The following NSUN7 variants were observed in gnomAD, a reference collection of about 807,000 sequenced individuals.
NSUN7 encodes NOP2/Sun RNA methyltransferase family member 7, also known as protein NSUN7.
Under a neutral mutation model 58.5 loss-of-function variants are expected in NSUN7, and 39 were observed. The observed-to-expected ratio is 0.67, with a 90% CI of 0.52 to 0.87. NSUN7 has a LOEUF of 0.87. Among genes scored for constraint, NSUN7 ranks in the 40% least tolerant of loss-of-function variants. The probability of loss-of-function intolerance (pLI) is 0.00; values close to 1 mark genes in which losing one functional copy is unlikely to be tolerated. For synonymous variants in NSUN7, 278 were observed against 303.7 expected, an observed-to-expected ratio of 0.92 and a Z score of 0.88; for missense variants, 765 against 844.1, an observed-to-expected ratio of 0.91 and a Z score of 1.16.
intron 11 of NSUN7, among the ~76,000 whole-genome samples, chr4:40,807,435 G>A (rs573969714): frequency 2.7e-5 from 4 of 147,952 alleles, no homozygotes; most frequent in African/African-American, 7.5e-5. Context: ...TGCAACCTCC[G>A]CCTCCCAGGT....
chr4:40,759,746 A>G (rs1230229259), intron 2 of NSUN7, among the ~76,000 whole-genome samples: 1 of 152,208 alleles, frequency 6.6e-6, no homozygotes, highest in Non-Finnish European at 1.5e-5. Context: ...AAAATTCTAA[A>G]TAAAACATTA....
At chr4:40,801,105 C>T (rs148018903) in intron 10 of NSUN7, among the ~76,000 whole-genome samples, 1 of 152,074 alleles carries the variant, frequency 6.6e-6, no homozygotes, top group African/African-American at 2.4e-5. Flanking sequence ...GAGTTTGATA[C>T]CCTCTTTAAG....
chr4:40,808,182 T>G, intron 11 of NSUN7, 125 bp from the exon 12 acceptor site: 1 of 1,122,650 alleles, frequency 8.9e-7, no homozygotes, highest in Non-Finnish European at 1.2e-6. Flanking sequence ...GCCTAAAAAC[T>G]ATTTCTTATT....
intron 2 of NSUN7, among the ~76,000 whole-genome samples, chr4:40,757,105 T>C (rs1741178070): frequency 6.6e-6 from 1 of 152,152 alleles, no homozygotes; most frequent in South Asian, 2.1e-4. Flanking sequence ...GGTGGGTGCC[T>C]GTAGTTCCAG....
At chr4:40,795,362 G>T (rs1170501584) in intron 9 of NSUN7, among the ~76,000 whole-genome samples, 1 of 152,090 alleles carries the variant, frequency 6.6e-6, no homozygotes, top group Non-Finnish European at 1.5e-5. Context: ...TTTTCTTTTA[G>T]TTCATATTGC....
In NSUN7 at chr4:40,774,779, T is replaced by G. The variant is rs2154287648; in HGVS notation, c.654T>G (p.Val218=). 6.6e-7 allele frequency: 1 copy of G among 1,523,830 alleles called. No homozygotes were observed. Among genetic ancestry groups the G allele is most frequent in the Admixed American group, 2.0e-5 (1 of 50,558 alleles). 94.4% of individuals were successfully genotyped at this position (1,523,830 alleles called of 1,614,324 possible). The change falls in exon 6 of 12, where the codon GTT becomes GTG. Residue 218 remains valine, a synonymous_variant. Coordinates refer to ENST00000381782, the MANE Select transcript of NSUN7 (RefSeq NM_024677.6). ...INTCKISPEE[V]YNNLKRRGYN... ...TGTATATTTACAGCCCTGAAGAAGT[T>G]TATAATAATTTGAAGAGAAGAGGCT...
At chr4:40,796,542 A>T (rs2154288947) in intron 9 of NSUN7, among the ~76,000 whole-genome samples, 1 of 151,774 alleles carries the variant, frequency 6.6e-6, no homozygotes, top group African/African-American at 2.4e-5. Context: ...AAGTGGGAGG[A>T]TTGCTTGAGC....
chr4:40,778,510 A>G (rs1051520906), intron 7 of NSUN7, among the ~76,000 whole-genome samples: 1 of 152,232 alleles, frequency 6.6e-6, no homozygotes, highest in Non-Finnish European at 1.5e-5. Flanking sequence ...AGGGGACCCC[A>G]GGGACCTAGG....
chr4:40,799,081 T>C (rs397833456), intron 10 of NSUN7, among the ~76,000 whole-genome samples, 177 bp downstream of exon 10: 2 of 136,484 alleles, frequency 1.5e-5, no homozygotes, highest in South Asian at 4.8e-4. Flanking sequence ...TTCTTTTTTT[T>C]TTTTTTTTTT....
chr4:40,763,157 C>G (rs972316450), intron 4 of NSUN7, among the ~76,000 whole-genome samples: 13 of 152,174 alleles, frequency 8.5e-5, no homozygotes, highest in Non-Finnish European at 1.9e-4. Flanking sequence ...AGCATTCCTT[C>G]CACTTAGCAT....
chr4:40,760,547 A>G, intron 3 of NSUN7, 55 bp downstream of exon 3: 2 of 1,372,320 alleles, frequency 1.5e-6, no homozygotes, highest in African/African-American at 1.5e-5. Context: ...TAAAAAAGAA[A>G]GTGTTTAAAA....
intron 7 of NSUN7, among the ~76,000 whole-genome samples, chr4:40,789,044 A>G (rs1215270977): frequency 6.6e-6 from 1 of 152,208 alleles, no homozygotes; most frequent in Non-Finnish European, 1.5e-5. Flanking sequence ...TTAGAATTAG[A>G]ATATGAGTGT....
intron 4 of NSUN7, among the ~76,000 whole-genome samples, chr4:40,763,045 G>C (rs1218393868): frequency 1.3e-5 from 2 of 151,946 alleles, no homozygotes; most frequent in African/African-American, 2.4e-5. Flanking sequence ...CGAGACTGCT[G>C]AGTTAAAGGG....
At chr4:40,770,429 T>C (rs1381822362) in intron 4 of NSUN7, among the ~76,000 whole-genome samples, 3 of 152,160 alleles carry the variant, frequency 2.0e-5, no homozygotes, top group Non-Finnish European at 4.4e-5. Context: ...CTGAATACTG[T>C]AGGCAATTAT....
At chr4:40,795,399 T>C (rs1427669486) in intron 9 of NSUN7, among the ~76,000 whole-genome samples, 1 of 152,212 alleles carries the variant, frequency 6.6e-6, no homozygotes, top group Non-Finnish European at 1.5e-5. Context: ...GAACATGATA[T>C]GGATATGATC....
intron 4 of NSUN7, among the ~76,000 whole-genome samples, chr4:40,773,654 G>A (rs1404977802): frequency 6.6e-6 from 1 of 150,560 alleles, no homozygotes; most frequent in African/African-American, 2.5e-5. Context: ...CTGCACTCCA[G>A]CCTGGGCGAC....
intron 4 of NSUN7, among the ~76,000 whole-genome samples, chr4:40,772,271 T>C (rs1358278457): frequency 6.6e-6 from 1 of 152,202 alleles, no homozygotes; most frequent in East Asian, 1.9e-4. Context: ...TTTATCATGA[T>C]AAATTTGAAC....
chr4:40,782,819 G>T (rs1742640083), intron 7 of NSUN7, among the ~76,000 whole-genome samples: 1 of 152,088 alleles, frequency 6.6e-6, no homozygotes, highest in Admixed American at 6.5e-5. Flanking sequence ...CAGTGAGCTG[G>T]TTCATGCCAC....
chr4:40,752,204 C>T (rs1740870100), intron 2 of NSUN7, among the ~76,000 whole-genome samples: 1 of 152,158 alleles, frequency 6.6e-6, no homozygotes, highest in Admixed American at 6.5e-5. Context: ...AGAGACACCT[C>T]AAAAAGGGCA....
Sources: gnomAD v4.1 joint callset for allele counts (sites outside exome capture counted in the v4.1 genomes callset) on GRCh38, gnomAD v4.1.1 for gene constraint, MANE v1.5 for transcripts, NCBI Gene and HGNC (gene_info 2026-07-23, HGNC 2026-07-21) for gene names.